CFAP47: variants seen among roughly 807,000 people sequenced by gnomAD.
The protein encoded by CFAP47 is cilia and flagella associated protein 47.
In CFAP47, 29 loss-of-function variants were observed where a neutral mutation model predicts 148.1. The observed-to-expected ratio is 0.20, with a 90% CI of 0.15 to 0.27. The LOEUF (loss-of-function observed/expected upper bound fraction) is 0.27, where lower values mean the gene tolerates loss of function less well. Among genes scored for constraint, CFAP47 ranks in the 10% least tolerant of loss-of-function variants. The pLI is 1.00. For missense variants in CFAP47, 1,872 were observed against 1,697.5 expected (o/e 1.10, Z -1.81); for synonymous variants, 664 against 577.3 (o/e 1.15, Z -2.15).
intron 42 of CFAP47, among the ~76,000 whole-genome samples, chrX:36,200,141 A>T (rs191416020): frequency 3.6e-5 from 4 of 111,755 alleles, no homozygotes; most frequent in African/African-American, 1.3e-4. Context: ...ACTGCTATCA[A>T]TGCAATCCTG....
At chrX:36,149,046 G>A in intron 36 of CFAP47, 62 bp from the exon 37 acceptor site, 1 of 270,691 alleles carries the variant, frequency 3.7e-6, no homozygotes, top group Non-Finnish European at 6.5e-6. Context: ...AATAAGAAAT[G>A]ATATAGTTGC....
chrX:35,974,639 G>T (rs1404582712), intron 13 of CFAP47, among the ~76,000 whole-genome samples: 1 of 111,839 alleles, frequency 8.9e-6, no homozygotes, highest in Non-Finnish European at 1.9e-5. Flanking sequence ...CTTTAAATAT[G>T]TTCAGTTTAC....
rs1025167354 is a variant in CFAP47, at chrX:36,236,087, C to T, written c.7158+10C>T. The T allele has an allele frequency of 1.5e-5, 7 of 457,817 alleles. No individual in the cohort carries two copies. Among genetic ancestry groups the T allele is most frequent in the Admixed American group, 3.7e-5 (1 of 27,248 alleles). The allele number at this position is 457,817 out of a possible 1,213,427, so 37.7% of individuals were successfully genotyped here. On this transcript the variant is annotated intron_variant, in intron 47 of 63. Transcript: ENST00000378653. Reference sequence around the variant, plus strand: ...TGAATGTGTCATTACGGTATGAACTCCTTGATATTTTCCCCAGTATTAATT... The same window carrying T: ...TGAATGTGTCATTACGGTATGAACTTCTTGATATTTTCCCCAGTATTAATT...
intron 29 of CFAP47, among the ~76,000 whole-genome samples, chrX:36,079,259 C>T (rs1937926559): frequency 8.9e-6 from 1 of 111,975 alleles, no homozygotes; most frequent in African/African-American, 3.2e-5. Flanking sequence ...TGGTTAATAT[C>T]CTGCAGAGTG....
intron 14 of CFAP47, 113 bp from the exon 15 acceptor site, chrX:35,975,559 G>T (rs150009416): frequency 2.5e-6 from 2 of 789,772 alleles, no homozygotes; most frequent in Non-Finnish European, 3.7e-6. Flanking sequence ...AAAGTATTAC[G>T]TGCTAAGAAT....
At chrX:36,235,375 T>C (rs1333978292) in intron 46 of CFAP47, among the ~76,000 whole-genome samples, 13 of 112,109 alleles carry the variant, frequency 1.2e-4, no homozygotes, top group Non-Finnish European at 1.9e-5. Context: ...TCTCAGACTG[T>C]TGTGCTAGCA....
At chrX:36,169,500 T>G (rs1939539061) in intron 39 of CFAP47, among the ~76,000 whole-genome samples, 1 of 111,530 alleles carries the variant, frequency 9.0e-6, no homozygotes, top group Non-Finnish European at 1.9e-5. Flanking sequence ...AATTGACGTA[T>G]TTTTAAATGC....
intron 26 of CFAP47, among the ~76,000 whole-genome samples, chrX:36,055,457 T>A (rs989739115): frequency 9.0e-6 from 1 of 111,694 alleles, no homozygotes; most frequent in Non-Finnish European, 1.9e-5. Flanking sequence ...TTGCTGAGCA[T>A]AACGGCTTCC....
chrX:36,122,405 C>T, intron 33 of CFAP47, among the ~76,000 whole-genome samples: 1 of 111,363 alleles, frequency 9.0e-6, no homozygotes, highest in Middle Eastern at 4.7e-3. Flanking sequence ...GTATCTCTTT[C>T]TCTACCTCCT....
intron 49 of CFAP47, among the ~76,000 whole-genome samples, chrX:36,256,164 C>T (rs1940749301): frequency 8.9e-6 from 1 of 111,809 alleles, no homozygotes; most frequent in African/African-American, 3.3e-5. Flanking sequence ...AGAGTAATGG[C>T]CTGTTACTTA....
At chrX:36,381,323 A>G (rs782169097) in intron 63 of CFAP47, among the ~76,000 whole-genome samples, 1 of 111,933 alleles carries the variant, frequency 8.9e-6, no homozygotes, top group East Asian at 2.8e-4. Flanking sequence ...AATTTCTAGA[A>G]CATTATATAA....
chrX:36,261,124 CTTTTTTT>C (rs33916345), intron 49 of CFAP47, among the ~76,000 whole-genome samples: 1 of 78,070 alleles, frequency 1.3e-5, no homozygotes, highest in East Asian at 4.0e-4. Flanking sequence ...AGTATAGTTT[CTTTTTTT>C]TTTTTTTTTT....
chrX:36,272,662 G>A (rs1220993567), intron 49 of CFAP47, among the ~76,000 whole-genome samples: 1 of 111,276 alleles, frequency 9.0e-6, no homozygotes. Flanking sequence ...AATAAAGACT[G>A]CTTTGACATG....
At chrX:36,295,766 T>C (rs1941236493) in intron 51 of CFAP47, among the ~76,000 whole-genome samples, 1 of 112,177 alleles carries the variant, frequency 8.9e-6, no homozygotes, top group East Asian at 2.8e-4. Flanking sequence ...TTCATTATGT[T>C]AAAGGTGTCA....
At chrX:35,983,216 A>G (rs188278207) in intron 15 of CFAP47, among the ~76,000 whole-genome samples, 2 of 111,076 alleles carry the variant, frequency 1.8e-5, no homozygotes, top group Admixed American at 1.9e-4. Context: ...GGCTATTGTG[A>G]TTGGGATCAC....
chrX:36,240,456 G>A (rs1940528462), intron 48 of CFAP47, among the ~76,000 whole-genome samples: 1 of 111,208 alleles, frequency 9.0e-6, no homozygotes, highest in African/African-American at 3.3e-5. Flanking sequence ...TAATGAAAAA[G>A]ACCAACATTC....
chrX:36,129,816 A>G (rs940681975), intron 33 of CFAP47, among the ~76,000 whole-genome samples: 3 of 111,533 alleles, frequency 2.7e-5, no homozygotes, highest in African/African-American at 9.7e-5. Context: ...ATTTCAATGG[A>G]CACAGTAACA....
At position 36,039,095 on chromosome X, in the gene CFAP47, A is replaced by T. The variant is rs751588796; in HGVS notation, c.3923A>T (p.Asp1308Val). 2 of 1,099,218 alleles carry T rather than the reference A, an allele frequency of 1.8e-6. No homozygotes were observed. The highest frequency in any genetic ancestry group is 4.0e-5 in the South Asian group (2 of 50,330). 90.6% of individuals were successfully genotyped at this position (1,099,218 alleles called of 1,213,427 possible). Reference sequence around the variant, plus strand: ...GTAAAATCACCAGAGTTATTGTTTGACCCTCCATTTATATTTTTCACTCCT... The same window carrying T: ...GTAAAATCACCAGAGTTATTGTTTGTCCCTCCATTTATATTTTTCACTCCT... Reference protein sequence around the residue: ...GEVKSPELLFDPPFIFFTPVP... With the variant: ...GEVKSPELLFVPPFIFFTPVP... The change falls in exon 25 of 64, where the codon GAC becomes GTC. Residue 1308 changes from aspartate to valine, a missense_variant. By Grantham distance (152) the Asp-to-Val change is radical (BLOSUM62 -3). Coordinates refer to ENST00000378653, the MANE Select transcript of CFAP47 (RefSeq NM_001304548.2).
At chrX:36,078,455 T>G (rs1207861754) in intron 29 of CFAP47, among the ~76,000 whole-genome samples, 1 of 111,472 alleles carries the variant, frequency 9.0e-6, no homozygotes, top group African/African-American at 3.3e-5. Context: ...TACCATTATG[T>G]AATGGCCTTC....
Sources: allele counts gnomAD v4.1 joint callset (sites outside exome capture counted in the v4.1 genomes callset), GRCh38; gene constraint gnomAD v4.1.1; transcripts MANE v1.5; gene names NCBI Gene and HGNC (gene_info 2026-07-23, HGNC 2026-07-21).